Variants in TREM1 observed in about 807,000 individuals in gnomAD.
The protein encoded by TREM1 is triggering receptor expressed on myeloid cells 1.
A neutral mutation model predicts 22.4 loss-of-function variants in TREM1; 16 were observed. The observed-to-expected ratio is 0.71, with a 90% CI of 0.48 to 1.08. The LOEUF (loss-of-function observed/expected upper bound fraction) is 1.08. Ranked by LOEUF, TREM1 falls within the 50% of genes least tolerant of loss-of-function variation. The probability of loss-of-function intolerance (pLI) is 0.00; values close to 1 mark genes in which losing one functional copy is unlikely to be tolerated. For missense variants in TREM1, 283 were observed against 282.9 expected (o/e 1.00, Z 0.00); for synonymous variants, 110 against 111.6 (o/e 0.99, Z 0.09).
chr6:41,276,349 T>C, intron 3 of TREM1, 119 bp from the exon 4 acceptor site: 2 of 729,286 alleles, frequency 2.7e-6, no homozygotes, highest in Non-Finnish European at 4.8e-6. Context: ...GCTCCACCTT[T>C]CCCGCACTGC....
At chr6:41,276,352 C>T (rs1429194716) in intron 3 of TREM1, 122 bp from the exon 4 acceptor site, 23 of 719,164 alleles carry the variant, frequency 3.2e-5, no homozygotes, top group South Asian at 8.2e-5. Context: ...CCACCTTTCC[C>T]GCACTGCCTG....
Position 41,273,713 on chromosome 6 carries a change from T to G in TREM1, c.*2412A>C, listed in dbSNP as rs909551710. 4.6e-5 allele frequency among the ~76,000 whole-genome samples: 7 copies of G among 152,248 alleles called. No individual in the cohort carries two copies. Among genetic ancestry groups the G allele is most frequent in the African/African-American group, 1.4e-4 (6 of 41,462 alleles). On this transcript the variant is annotated 3_prime_UTR_variant, in exon 4 of 4. Transcript: ENST00000244709. ...GGCAATAGTGGTGGGTCATTCCCACTGCTGGGCCTACAGAGGAGAGGATGG... is the reference window on the plus strand; with the variant it reads ...GGCAATAGTGGTGGGTCATTCCCACGGCTGGGCCTACAGAGGAGAGGATGG...
intron 2 of TREM1, chr6:41,281,386 G>C (rs959788906): frequency 4.0e-6 from 2 of 503,856 alleles, no homozygotes; most frequent in Admixed American, 7.6e-5. Context: ...ATCGAAAAAA[G>C]GAAAGAAGAA....
rs1561920576 is a variant in TREM1, at chr6:41,280,841, C to T, written c.599+120G>A. 3.2e-6 allele frequency: 5 copies of T among 1,540,864 alleles called. No homozygotes were observed. The South Asian group carries it at 3.7e-5, about 11-fold the overall frequency. ...GACATTTCTACCCAGACTAATGTGA[C>T]TCAAGTCTTCTCCTGCCCCACCCTC... On this transcript the variant is annotated intron_variant, in intron 3 of 3. Coordinates refer to ENST00000244709, the MANE Select transcript of TREM1 (RefSeq NM_018643.5).
intron 3 of TREM1, among the ~76,000 whole-genome samples, chr6:41,278,656 CAA>C (rs555179629): frequency 1.5e-5 from 2 of 134,818 alleles, no homozygotes; most frequent in Admixed American, 7.5e-5. Context: ...GACCGTGTCT[CAA>C]AAAAAAAAAG....
intron 3 of TREM1, chr6:41,268,178 T>C: frequency 2.5e-6 from 1 of 397,750 alleles, no homozygotes. Flanking sequence ...TTATGGTCCC[T>C]CTGCAACATC....
chr6:41,284,158 TG>T (rs1768058907), intron 1 of TREM1, among the ~76,000 whole-genome samples: 1 of 152,038 alleles, frequency 6.6e-6, no homozygotes, highest in Admixed American at 6.5e-5. Flanking sequence ...GAGCAATTTT[TG>T]CTCCCCGCCA....
downstream of TREM1, among the ~76,000 whole-genome samples, chr6:41,267,581 T>C (rs1767364269): frequency 6.6e-6 from 1 of 151,942 alleles, no homozygotes; most frequent in Admixed American, 6.6e-5. Context: ...AGGATGAAGG[T>C]AGTAAAGATT....
chr6:41,276,220 A>T lies in TREM1; in HGVS notation c.610T>A (p.Phe204Ile). Residue 204 changes from phenylalanine to isoleucine, a missense_variant, in exon 4 of 4, where the codon TTC becomes ATC. Transcript: ENST00000244709. ...NVTDIIRVPV[F>I]NIVILLAGGF... ...CCAGCCAGGAGAATGACAATGTTGAACACCGGAACCCTGCGGGAGACAAGA... is the reference window on the plus strand; with the variant it reads ...CCAGCCAGGAGAATGACAATGTTGATCACCGGAACCCTGCGGGAGACAAGA... 8.7e-6 allele frequency: 14 copies of T among 1,613,990 alleles called. No homozygotes were observed. The highest frequency in any genetic ancestry group is 1.2e-5 in the Non-Finnish European group (14 of 1,179,912).
intron 3 of TREM1, among the ~76,000 whole-genome samples, chr6:41,279,380 C>T (rs1163471429): frequency 6.6e-6 from 1 of 152,164 alleles, no homozygotes; most frequent in Admixed American, 6.5e-5. Context: ...TTACTTTGTG[C>T]GTCTTCTCCA....
chr6:41,278,206 G>A lies in TREM1; in HGVS notation c.600-1976C>T, dbSNP rs527267824. 3.3e-4 allele frequency among the ~76,000 whole-genome samples: 50 copies of A among 151,864 alleles called. No individual in the cohort carries two copies. In the South Asian group the frequency reaches 4.2e-3, roughly 13 times the overall value. On this transcript the variant is annotated intron_variant, in intron 3 of 3. Coordinates refer to ENST00000244709, the MANE Select transcript of TREM1 (RefSeq NM_018643.5). Reference sequence around the variant, plus strand: ...CTGCCAAAGTGCTGGGATTATATGTGTGAGCCACAACACCTAGTCCTAAAA... The same window carrying A: ...CTGCCAAAGTGCTGGGATTATATGTATGAGCCACAACACCTAGTCCTAAAA...
downstream of TREM1, among the ~76,000 whole-genome samples, chr6:41,272,779 C>A (rs1000808998): frequency 4.6e-5 from 7 of 152,158 alleles, no homozygotes; most frequent in Admixed American, 1.3e-4. Flanking sequence ...CCAGTTATAA[C>A]AGTAATAGCA....
At chr6:41,280,914 A>C (rs1381619926) in intron 3 of TREM1, 47 bp downstream of exon 3, 1 of 1,613,700 alleles carries the variant, frequency 6.2e-7, no homozygotes, top group East Asian at 2.2e-5. Context: ...CTGGGAAACA[A>C]AGGGCTCAGT....
At chr6:41,268,755 T>C (rs1241541596), downstream of TREM1, among the ~76,000 whole-genome samples, 1 of 152,100 alleles carries the variant, frequency 6.6e-6, no homozygotes, top group Non-Finnish European at 1.5e-5. Flanking sequence ...TGCAAAGGAC[T>C]GAAGTTTTAG....
downstream of TREM1, among the ~76,000 whole-genome samples, chr6:41,270,698 C>G (rs1015887405): frequency 2.6e-5 from 4 of 152,016 alleles, no homozygotes; most frequent in African/African-American, 9.7e-5. Flanking sequence ...CTTTCTGGTA[C>G]ACAGTTCTTT....
downstream of TREM1, among the ~76,000 whole-genome samples, chr6:41,268,970 T>C (rs966065276): frequency 6.6e-6 from 1 of 152,190 alleles, no homozygotes; most frequent in South Asian, 2.1e-4. Context: ...ATCCTGCCCA[T>C]GGCTCTGTCC....
At chr6:41,282,801 T>G (rs766024513) in intron 1 of TREM1, 50 bp from the exon 2 acceptor site, 2 of 1,499,436 alleles carry the variant, frequency 1.3e-6, no homozygotes, top group Admixed American at 3.9e-5. Flanking sequence ...TTTTTCTCTC[T>G]CTGAGTGGGG....
In TREM1 at chr6:41,281,150, A is replaced by G; in HGVS notation, c.410T>C (p.Phe137Ser). 6.2e-7 allele frequency: 1 copy of G among 1,613,162 alleles called. No individual in the cohort carries two copies. Among genetic ancestry groups the G allele is most frequent in the South Asian group, 1.1e-5 (1 of 91,040 alleles). The change falls in exon 3 of 4, where the codon TTT becomes TCT. Residue 137 changes from phenylalanine (F) to serine (S), a missense_variant. Transcript: ENST00000244709. ...DRIRLVVTKGFSGTPGSNENS... is the reference protein window; with the variant it reads ...DRIRLVVTKGSSGTPGSNENS... Reference sequence around the variant, plus strand: ...CTCATTGGAGCCAGGGGTCCCTGAAAAACCTGCAAGAAGACACATTGGATG... The same window carrying G: ...CTCATTGGAGCCAGGGGTCCCTGAAGAACCTGCAAGAAGACACATTGGATG...
At chr6:41,271,605 T>A (rs896233783), downstream of TREM1, among the ~76,000 whole-genome samples, 6 of 152,216 alleles carry the variant, frequency 3.9e-5, no homozygotes, top group Non-Finnish European at 7.3e-5. Context: ...GTCTCGCTTT[T>A]CTTTACATCT....
Sources: allele counts gnomAD v4.1 joint callset (sites outside exome capture counted in the v4.1 genomes callset), GRCh38; gene constraint gnomAD v4.1.1; transcripts MANE v1.5; gene names NCBI Gene and HGNC (gene_info 2026-07-23, HGNC 2026-07-21).